DNAH9: variants seen among roughly 807,000 people sequenced by gnomAD.
DNAH9 encodes DNAH9 variant protein.
Under a neutral mutation model 471.6 loss-of-function variants are expected in DNAH9, and 345 were observed. That is an observed-to-expected ratio of 0.73 (90% CI 0.67 to 0.80). The LOEUF is 0.80. Ranked by LOEUF, DNAH9 falls within the 30% of genes least tolerant of loss-of-function variation. The pLI is 0.00. For missense variants in DNAH9, 5,407 were observed against 5,609.2 expected, an observed-to-expected ratio of 0.96 and a Z score of 1.15; for synonymous variants, 2,093 against 2,123.6, an observed-to-expected ratio of 0.99 and a Z score of 0.40.
At chr17:11,625,080 A>G (rs1204397186) in intron 6 of DNAH9, among the ~76,000 whole-genome samples, 1 of 71,418 alleles carries the variant, frequency 1.4e-5, no homozygotes, top group South Asian at 2.6e-4. Context: ...ATCAGTGCAC[A>G]CACACACACA....
At chr17:11,661,234 C>A (rs982447941) in intron 14 of DNAH9, among the ~76,000 whole-genome samples, 1 of 151,362 alleles carries the variant, frequency 6.6e-6, no homozygotes, top group Non-Finnish European at 1.5e-5. Flanking sequence ...AATAATATAG[C>A]CTTTCCTATC....
Position 11,752,494 on chromosome 17 carries a change from G to A in DNAH9, c.6611-339G>A, listed in dbSNP as rs551239738. On this transcript the variant is annotated intron_variant, in intron 32 of 68. Coordinates refer to ENST00000262442, the MANE Select transcript of DNAH9 (RefSeq NM_001372.4). ...ATCCTGGCCAGCATGGTGAAACCGC[G>A]TCTCTACTAAAAATACAAAAAAATT... Among the ~76,000 whole-genome samples the A allele has an allele frequency of 1.4e-4, 21 of 152,056 alleles. 1 individual carries two copies. In the South Asian group the frequency reaches 3.9e-3, roughly 29 times the overall value.
chr17:11,751,318 A>G (rs1967142220), intron 32 of DNAH9, among the ~76,000 whole-genome samples: 1 of 151,996 alleles, frequency 6.6e-6, no homozygotes, highest in Non-Finnish European at 1.5e-5. Flanking sequence ...GAGCCAAAAA[A>G]ACCCAATGTT....
At chr17:11,814,232 GA>G (rs574122636) in intron 45 of DNAH9, among the ~76,000 whole-genome samples, 2 of 151,946 alleles carry the variant, frequency 1.3e-5, no homozygotes, top group East Asian at 1.9e-4. Context: ...AATTTAGAGG[GA>G]AAAAAAATCA....
intron 56 of DNAH9, among the ~76,000 whole-genome samples, chr17:11,886,313 G>T (rs1462329919): frequency 1.3e-5 from 2 of 152,088 alleles, no homozygotes; most frequent in Non-Finnish European, 2.9e-5. Flanking sequence ...ACAAGAGCGA[G>T]ACTTTGTCTC....
At chr17:11,615,962 T>A (rs916164698) in intron 4 of DNAH9, among the ~76,000 whole-genome samples, 5 of 152,198 alleles carry the variant, frequency 3.3e-5, no homozygotes, top group African/African-American at 7.2e-5. Flanking sequence ...CTAATCAATT[T>A]ACTGTGACAT....
rs9303040 is a variant in DNAH9 at position 11,856,562 on chromosome 17, C to G, written c.9933+2134C>G. On this transcript the variant is annotated intron_variant, in intron 50 of 68. Coordinates refer to ENST00000262442, the MANE Select transcript of DNAH9 (RefSeq NM_001372.4). ...AAAATACAAAAAAAAAAAAATTAGC[C>G]GGGCGTGGTGGTGGCCACCTGTAGT... Among the ~76,000 whole-genome samples, 172 of 148,952 alleles carry G rather than the reference C, an allele frequency of 1.2e-3. 4 individuals carry two copies. The highest frequency in any genetic ancestry group is 2.8e-3 in the Admixed American group (42 of 15,018).
chr17:11,611,896 G>A (rs113481522), intron 4 of DNAH9, 116 bp downstream of exon 4: 34 of 973,496 alleles, frequency 3.5e-5, no homozygotes, highest in South Asian at 1.1e-4. Flanking sequence ...TTTCCGACCC[G>A]ACACAAACTA....
chr17:11,813,415 C>T (rs1030353658), intron 45 of DNAH9, among the ~76,000 whole-genome samples: 3 of 152,026 alleles, frequency 2.0e-5, no homozygotes, highest in Non-Finnish European at 2.9e-5. Context: ...AGAAAGTAAC[C>T]GACTGCCAGT....
chr17:11,704,214 C>G lies in DNAH9; in HGVS notation c.5163C>G (p.Thr1721=). The G allele has an allele frequency of 6.2e-7, 1 of 1,614,076 alleles. No homozygotes were observed. Among genetic ancestry groups the G allele is most frequent in the Middle Eastern group, 1.6e-4 (1 of 6,062 alleles). Residue 1721 remains threonine (T), a synonymous_variant, in exon 25 of 69, where the codon ACC becomes ACG. Transcript: ENST00000262442. ...LFDHPAQVAL[T]CTQIWWTTEV... ...TCTTGCTGCCACAGGTGGCCCTGAC[C>G]TGTACTCAGATCTGGTGGACAACAG...
At chr17:11,843,945 G>T (rs1349812791) in intron 49 of DNAH9, among the ~76,000 whole-genome samples, 1 of 142,534 alleles carries the variant, frequency 7.0e-6, no homozygotes, top group Non-Finnish European at 1.5e-5. Flanking sequence ...GCTACTGAAT[G>T]AATCACACCA....
chr17:11,933,568 T>A (rs3785942), intron 64 of DNAH9, among the ~76,000 whole-genome samples: 1 of 151,452 alleles, frequency 6.6e-6, no homozygotes, highest in Non-Finnish European at 1.5e-5. Context: ...TTAGTAGCGA[T>A]GGGGTTTCTC....
At chr17:11,793,415 T>C in intron 41 of DNAH9, 88 bp from the exon 42 acceptor site, 1 of 1,215,734 alleles carries the variant, frequency 8.2e-7, no homozygotes, top group Non-Finnish European at 1.2e-6. Context: ...TCATCCCAGG[T>C]TAGATAAAAT....
chr17:11,603,411 A>T (rs2079720), intron 1 of DNAH9, among the ~76,000 whole-genome samples: 3,868 of 152,304 alleles, frequency 0.025, 163 homozygotes, highest in African/African-American at 0.088. Context: ...GAGAATAACA[A>T]GTCCACGAAC....
chr17:11,756,857 A>G (rs1304552362), intron 34 of DNAH9, among the ~76,000 whole-genome samples, 181 bp downstream of exon 34: 2 of 152,186 alleles, frequency 1.3e-5, no homozygotes, highest in African/African-American at 2.4e-5. Flanking sequence ...GAGCTGCACA[A>G]CTATCCTCTG....
In DNAH9 at chr17:11,869,192, A is replaced by T. The variant is rs765926918; in HGVS notation, c.9992A>T (p.Lys3331Ile). 1.9e-6 allele frequency: 3 copies of T among 1,613,836 alleles called. No homozygotes were observed. The highest frequency in any genetic ancestry group is 2.5e-6 in the Non-Finnish European group (3 of 1,179,822). The change falls in exon 51 of 69, where the codon AAA becomes ATA. Residue 3331 changes from lysine to isoleucine, a missense_variant. Around this residue, in one of 3 missense-constraint regions of DNAH9, gnomAD observed 4,636 missense variants for 4,900.3 expected, o/e 0.95. Transcript: ENST00000262442. ...TARFEKATADKLKCQQEAEVT... is the reference protein window; with the variant it reads ...TARFEKATADILKCQQEAEVT... The stretch of plus-strand genomic sequence containing the variant: ...AGGTTTGAGAAAGCAACAGCAGACA[A>T]ACTCAAATGTCAGCAAGAAGCCGAA...
Position 11,651,094 on chromosome 17 carries a change from G to A in DNAH9, c.2123G>A (p.Ser708Asn), listed in dbSNP as rs764956840. Residue 708 changes from serine (S) to asparagine (N), a missense_variant, in exon 13 of 69, where the codon AGC becomes AAC. Around this residue, in one of 3 missense-constraint regions of DNAH9, gnomAD observed 4,636 missense variants for 4,900.3 expected, o/e 0.95. Coordinates refer to ENST00000262442, the MANE Select transcript of DNAH9 (RefSeq NM_001372.4). ...CTGATTTCAGTGCTGAAAGAAATGA[G>A]CTATCTTGAACCCAGAGAGATGAAA... ...PQLISVLKEM[S>N]YLEPREMKHM... The A allele has an allele frequency of 3.1e-6, 5 of 1,613,914 alleles. No homozygotes were observed. The South Asian group carries it at 5.5e-5, about 18-fold the overall frequency.
At chr17:11,946,776 A>G (rs1277888371) in intron 67 of DNAH9, among the ~76,000 whole-genome samples, 2 of 151,412 alleles carry the variant, frequency 1.3e-5, no homozygotes, top group Non-Finnish European at 3.0e-5. Flanking sequence ...GCCGAAAAAT[A>G]AAATAAAATA....
chr17:11,602,727 T>C (rs1048783773), intron 1 of DNAH9, among the ~76,000 whole-genome samples: 9 of 152,182 alleles, frequency 5.9e-5, no homozygotes, highest in African/African-American at 1.9e-4. Flanking sequence ...TGTATCTTTG[T>C]CCTCCAGTGA....
Sources: allele counts gnomAD v4.1 joint callset (sites outside exome capture counted in the v4.1 genomes callset), GRCh38; gene constraint gnomAD v4.1.1; regional missense constraint gnomAD v4.1.1; transcripts MANE v1.5; gene names NCBI Gene and HGNC (gene_info 2026-07-23, HGNC 2026-07-21).